The following CFAP77 variants were observed in gnomAD, a reference collection of about 807,000 sequenced individuals.
CFAP77 encodes cilia and flagella associated protein 77, also known as cilia- and flagella-associated protein 77.
CFAP77 carries 25 observed loss-of-function variants against 31.1 expected under a neutral mutation model. That is an observed-to-expected ratio of 0.80 (90% CI 0.59 to 1.12). CFAP77 has a LOEUF of 1.12. CFAP77 is among the 50% of genes most tolerant of loss of function. The probability of loss-of-function intolerance (pLI) is 0.00; values close to 1 mark genes in which losing one functional copy is unlikely to be tolerated. For missense variants in CFAP77, 377 were observed against 397.3 expected, an observed-to-expected ratio of 0.95 and a Z score of 0.44; for synonymous variants, 151 against 159.9, an observed-to-expected ratio of 0.94 and a Z score of 0.42.
rs574891733 is a variant in CFAP77, at chr9:132,483,696, C to T, written c.196-14999C>T. ...ACAGCGAGACTCAGATGGAAACGGC[C>T]TTCACTATCCTTCCCAGCCCAGGGC... is the stretch of plus-strand genomic sequence containing the variant. On this transcript the variant is annotated intron_variant, in intron 1 of 5. Transcript: ENST00000393216. Among the ~76,000 whole-genome samples the T allele has an allele frequency of 2.8e-3, 423 of 152,268 alleles. 2 individuals carry two copies. The highest frequency in any genetic ancestry group is 3.9e-3 in the Non-Finnish European group (267 of 68,012).
At chr9:132,447,497 G>A (rs771204078) in intron 1 of CFAP77, among the ~76,000 whole-genome samples, 5 of 152,174 alleles carry the variant, frequency 3.3e-5, no homozygotes, top group African/African-American at 7.2e-5. Context: ...GTCTTCACTC[G>A]CCAGCTTGGA....
At chr9:132,508,531 C>T (rs1851976764) in intron 3 of CFAP77, among the ~76,000 whole-genome samples, 2 of 151,954 alleles carry the variant, frequency 1.3e-5, no homozygotes, top group South Asian at 2.1e-4. Context: ...GAAAAGATGC[C>T]GCAGAGACAC....
At chr9:132,525,483 C>A (rs1394718550) in intron 3 of CFAP77, among the ~76,000 whole-genome samples, 4 of 152,098 alleles carry the variant, frequency 2.6e-5, no homozygotes, top group Non-Finnish European at 5.9e-5. Context: ...AACCCACGTC[C>A]TCTTCACCCA....
intron 3 of CFAP77, among the ~76,000 whole-genome samples, chr9:132,508,586 G>C (rs940253438): frequency 1.2e-4 from 18 of 152,134 alleles, no homozygotes; most frequent in Non-Finnish European, 1.3e-4. Context: ...TAGGACAGTG[G>C]GGGGGTTTTG....
Position 132,571,268 on chromosome 9 carries a change from C to T in CFAP77, c.733-1120C>T, listed in dbSNP as rs867186258. On this transcript the variant is annotated intron_variant, in intron 5 of 5. Transcript: ENST00000393216. ...CTGCCCTGCCCACCCTCTACCTGGC[C>T]GCCGCATCCCCTCACAAAGTTGAGC... is the stretch of plus-strand genomic sequence containing the variant. Among the ~76,000 whole-genome samples the T allele has an allele frequency of 6.8e-4, 104 of 152,238 alleles. 1 individual carries two copies. Among genetic ancestry groups the T allele is most frequent in the African/African-American group, 2.4e-3 (98 of 41,520 alleles).
In CFAP77 at chr9:132,480,155, T is replaced by C. The variant is rs1272106148; in HGVS notation, c.196-18540T>C. On this transcript the variant is annotated intron_variant, in intron 1 of 5. Coordinates refer to ENST00000393216, the MANE Select transcript of CFAP77 (RefSeq NM_001282957.2). This position sits in a 1 kb window ranked among gnomAD's most constrained non-coding sequence, Gnocchi z 5.8. ...GAGGAGAGGGGGCCTCCTCGGCTGC[T>C]CTCCTGGACCGCCCTCCCCAGGAGC... Among the ~76,000 whole-genome samples, 2 of 152,050 alleles carry C rather than the reference T, an allele frequency of 1.3e-5. No homozygotes were observed. The highest frequency in any genetic ancestry group is 4.8e-5 in the African/African-American group (2 of 41,410).
chr9:132,455,699 C>G lies in CFAP77; in HGVS notation c.196-42996C>G, dbSNP rs1850900723. Among the ~76,000 whole-genome samples the G allele has an allele frequency of 6.6e-6, 1 of 152,096 alleles. No individual in the cohort carries two copies. The highest frequency in any genetic ancestry group is 1.5e-5 in the Non-Finnish European group (1 of 68,034). ...TGAGTTGAGATCGCACTACTGCACTCTGGCCTGGGTGACAGAGCAAGACTG... is the reference window on the plus strand; with the variant it reads ...TGAGTTGAGATCGCACTACTGCACTGTGGCCTGGGTGACAGAGCAAGACTG... On this transcript the variant is annotated intron_variant, in intron 1 of 5. Coordinates refer to ENST00000393216, the MANE Select transcript of CFAP77 (RefSeq NM_001282957.2). The surrounding 1 kb of genome is among the most constrained non-coding windows in gnomAD (Gnocchi z 4.1).
At chr9:132,438,541 A>ATATATATATATATAT in intron 1 of CFAP77, among the ~76,000 whole-genome samples, 3 of 108,154 alleles carry the variant, frequency 2.8e-5, no homozygotes, top group African/African-American at 1.2e-4. Context: ...ATATATATAT[A>ATATATATATATATAT]TTTTTTTTTT....
intron 3 of CFAP77, among the ~76,000 whole-genome samples, chr9:132,526,430 C>T (rs1486539261): frequency 2.0e-5 from 3 of 151,840 alleles, no homozygotes; most frequent in Admixed American, 2.0e-4. Context: ...GACGGGGTTT[C>T]ACCGTGTTAG....
At chr9:132,414,367 T>A (rs527454285) in intron 1 of CFAP77, among the ~76,000 whole-genome samples, 1 of 152,290 alleles carries the variant, frequency 6.6e-6, no homozygotes, top group East Asian at 1.9e-4. Flanking sequence ...AGTTAACCAT[T>A]TACTATTTAG....
At chr9:132,422,625 G>A (rs1419145428) in intron 1 of CFAP77, among the ~76,000 whole-genome samples, 1 of 152,156 alleles carries the variant, frequency 6.6e-6, no homozygotes, top group South Asian at 2.1e-4. Context: ...GAGGGCCAGG[G>A]GGCTGCAGTG....
intron 5 of CFAP77, among the ~76,000 whole-genome samples, chr9:132,559,362 A>G (rs1458719682): frequency 6.6e-6 from 1 of 150,640 alleles, no homozygotes; most frequent in East Asian, 1.9e-4. Flanking sequence ...AAAAAAAAAA[A>G]AAAAGGCAAA....
In CFAP77 at chr9:132,498,775, T is replaced by C; in HGVS notation, c.276T>C (p.Leu92=). 1 of 1,610,034 alleles carries C rather than the reference T, an allele frequency of 6.2e-7. No individual in the cohort carries two copies. The highest frequency in any genetic ancestry group is 2.2e-5 in the East Asian group (1 of 44,838). Residue 92 remains leucine (L), a synonymous_variant, in exon 2 of 6, where the codon CTT becomes CTC. Transcript: ENST00000393216. This position sits in a 1 kb window ranked among gnomAD's most constrained non-coding sequence, Gnocchi z 4.2. ...NFNYGLYIRG[L]DGGVPEAIGR... is the part of the protein sequence containing the mutation. ...ATTATGGACTCTACATCCGAGGGCT[T>C]GACGGAGGAGTCCCTGAAGGTGAGC...
chr9:132,561,604 TACACACACACACACACACAC>T (rs61039438), intron 5 of CFAP77, among the ~76,000 whole-genome samples: 173 of 111,580 alleles, frequency 1.6e-3, no homozygotes, highest in Middle Eastern at 4.5e-3. Context: ...GAGGTGCATG[TACACACACACACACACACAC>T]ACACACACAC....
At chr9:132,547,116 T>A (rs1411470462) in intron 5 of CFAP77, among the ~76,000 whole-genome samples, 1 of 152,202 alleles carries the variant, frequency 6.6e-6, no homozygotes. Context: ...CTCTGTGCCC[T>A]GTGGGGGATA....
intron 1 of CFAP77, among the ~76,000 whole-genome samples, chr9:132,446,261 G>A (rs748778848): frequency 4.6e-5 from 7 of 152,136 alleles, no homozygotes; most frequent in Non-Finnish European, 8.8e-5. Context: ...GGTCGTGCCA[G>A]AGAGCAGGGC....
chr9:132,572,528 A>G lies in CFAP77; in HGVS notation c.*18A>G. On this transcript the variant is annotated 3_prime_UTR_variant, in exon 6 of 6. Transcript: ENST00000393216. ...ACCCCTAGCCCCTCCCTCCCCTGCC[A>G]CAAGAAGCCATCTTGACATAGTGGA... The G allele has an allele frequency of 7.8e-7, 1 of 1,283,420 alleles. No individual in the cohort carries two copies. The highest frequency in any genetic ancestry group is 1.2e-5 in the South Asian group (1 of 84,386). The allele number at this position is 1,283,420 out of a possible 1,614,324, so 79.5% of individuals were successfully genotyped here. A position where few individuals can be genotyped will look rare whatever the true frequency, so the allele number is the denominator to read the frequency against.
Position 132,534,484 on chromosome 9 carries a change from T to C in CFAP77, c.525-3117T>C, listed in dbSNP as rs377196785. ...AAAATTAGCCAGGCGTGGTGGTGGG[T>C]GCCTGTAGTCCCAGCTACTCGGGAG... On this transcript the variant is annotated intron_variant, in intron 3 of 5. Coordinates refer to ENST00000393216, the MANE Select transcript of CFAP77 (RefSeq NM_001282957.2). Among the ~76,000 whole-genome samples the C allele has an allele frequency of 3.3e-5, 5 of 151,562 alleles. No individual in the cohort carries two copies. In the South Asian group the frequency reaches 6.3e-4, roughly 19 times the overall value.
chr9:132,456,264 T>C (rs1457893341), intron 1 of CFAP77, among the ~76,000 whole-genome samples: 1 of 152,182 alleles, frequency 6.6e-6, no homozygotes, highest in Non-Finnish European at 1.5e-5. Context: ...GAGGAGGGGC[T>C]CTGTCCACAG....
Sources: gnomAD v4.1 joint callset for allele counts (sites outside exome capture counted in the v4.1 genomes callset) on GRCh38, gnomAD v4.1.1 for gene constraint, Gnocchi (gnomAD v3.1) non-coding constraint, MANE v1.5 for transcripts, NCBI Gene and HGNC (gene_info 2026-07-23, HGNC 2026-07-21) for gene names.